Variants in DTX4 observed in about 807,000 individuals in gnomAD.
The protein encoded by DTX4 is deltex E3 ubiquitin ligase 4.
DTX4 carries 28 observed loss-of-function variants against 57.6 expected under a neutral mutation model. The ratio of observed to expected loss-of-function variants is 0.49; its 90% CI spans 0.36 to 0.67. DTX4 has a LOEUF of 0.67. DTX4 is among the 30% of genes least tolerant of loss of function. The probability of loss-of-function intolerance (pLI) is 0.00; values close to 1 mark genes in which losing one functional copy is unlikely to be tolerated. For missense variants in DTX4, 715 were observed against 836.8 expected (o/e 0.85, Z 1.80); for synonymous variants, 316 against 331.0 (o/e 0.95, Z 0.49).
intron 8 of DTX4, among the ~76,000 whole-genome samples, chr11:59,202,400 C>T (rs971507127): frequency 1.3e-5 from 2 of 152,204 alleles, no homozygotes; most frequent in African/African-American, 2.4e-5. Flanking sequence ...TGATGATTTG[C>T]ATCTGTATGG....
chr11:59,172,605 G>A lies in DTX4; in HGVS notation c.10G>A (p.Ala4Thr), dbSNP rs761595067. Reference protein sequence around the residue: MLLASAVVVWEWLN... With the variant: MLLTSAVVVWEWLN... ...CAGCCCCGGGCTCGCCATGCTCCTGGCCTCGGCCGTGGTGGTCTGGGAATG... is the reference window on the plus strand; with the variant it reads ...CAGCCCCGGGCTCGCCATGCTCCTGACCTCGGCCGTGGTGGTCTGGGAATG... Residue 4 changes from alanine to threonine, a missense_variant, in exon 1 of 9, where the codon GCC (alanine) becomes ACC (threonine). By Grantham distance (58) the Ala-to-Thr change is moderately conservative. Transcript: ENST00000227451. The A allele has an allele frequency of 2.8e-5, 43 of 1,546,658 alleles. No homozygotes were observed. The highest frequency in any genetic ancestry group is 3.6e-5 in the Non-Finnish European group (42 of 1,154,932).
At chr11:59,177,958 T>G (rs1284392796) in intron 1 of DTX4, among the ~76,000 whole-genome samples, 2 of 152,214 alleles carry the variant, frequency 1.3e-5, no homozygotes, top group Non-Finnish European at 2.9e-5. Context: ...GTACTCACTC[T>G]CTAGTGAAGG....
intron 2 of DTX4, among the ~76,000 whole-genome samples, chr11:59,187,840 C>A (rs919338612): frequency 7.2e-5 from 11 of 152,240 alleles, no homozygotes; most frequent in Admixed American, 7.2e-4. Context: ...GGGAGAAGGA[C>A]AGAAAGGGGA....
Position 59,205,246 on chromosome 11 carries a change from T to C in DTX4, c.*337T>C, listed in dbSNP as rs1357275470. On this transcript the variant is annotated 3_prime_UTR_variant, in exon 9 of 9. Coordinates refer to ENST00000227451, the MANE Select transcript of DTX4 (RefSeq NM_015177.2). ...AGCACACCTAGGGTATGGGCAGTGC[T>C]TAGGCACTCCATATCCTGGCTTTGG... The C allele has an allele frequency of 1.2e-5, 3 of 248,056 alleles. No individual in the cohort carries two copies. Among genetic ancestry groups the C allele is most frequent in the Non-Finnish European group, 1.6e-5 (2 of 123,252 alleles). The allele number at this position is 248,056 out of a possible 1,614,324, so 15.4% of individuals were successfully genotyped here. A position where few individuals can be genotyped will look rare whatever the true frequency, so the allele number is the denominator to read the frequency against.
At chr11:59,188,655 T>G in intron 2 of DTX4, 80 bp from the exon 3 acceptor site, 1 of 1,260,262 alleles carries the variant, frequency 7.9e-7, no homozygotes, top group South Asian at 1.2e-5. Flanking sequence ...AGCACTTAAC[T>G]GCATTTTATT....
At chr11:59,202,645 G>A (rs760496978) in intron 8 of DTX4, among the ~76,000 whole-genome samples, 4 of 152,148 alleles carry the variant, frequency 2.6e-5, no homozygotes, top group Non-Finnish European at 4.4e-5. Flanking sequence ...TTCAGACCAT[G>A]GGCTATGGAG....
At chr11:59,195,587 C>T (rs751730545) in intron 7 of DTX4, among the ~76,000 whole-genome samples, 2 of 152,188 alleles carry the variant, frequency 1.3e-5, no homozygotes, top group Admixed American at 6.5e-5. Flanking sequence ...AACAGAAAAT[C>T]GCATCCACCC....
In DTX4 at chr11:59,195,324, C is replaced by T; in HGVS notation, c.1491C>T (p.Asp497=). 1.9e-6 allele frequency: 3 copies of T among 1,613,996 alleles called. No individual in the cohort carries two copies. The South Asian group carries it at 3.3e-5, about 18-fold the overall frequency. The part of the protein sequence containing the change: ...LIPHSLPGHP[D]CKTIRIIYSI... ...CCCACTCCTTGCCTGGCCACCCAGA[C>T]TGCAAAACCATCCGGATCATCTACA... The change falls in exon 7 of 9, where the codon GAC becomes GAT. Residue 497 remains aspartate, a synonymous_variant. Coordinates refer to ENST00000227451, the MANE Select transcript of DTX4 (RefSeq NM_015177.2).
intron 2 of DTX4, among the ~76,000 whole-genome samples, chr11:59,186,495 G>A (rs1018993243): frequency 6.6e-6 from 1 of 152,182 alleles, no homozygotes; most frequent in African/African-American, 2.4e-5. Flanking sequence ...ACAGGAAGCC[G>A]GGTCTTTTCC....
Position 59,181,916 on chromosome 11 carries a change from G to C in DTX4, c.389G>C (p.Gly130Ala). 1 of 1,613,936 alleles carries C rather than the reference G, an allele frequency of 6.2e-7. No homozygotes were observed. Among genetic ancestry groups the C allele is most frequent in the Non-Finnish European group, 8.5e-7 (1 of 1,179,860 alleles). Residue 130 changes from glycine to alanine, a missense_variant, in exon 2 of 9, where the codon GGC (glycine) becomes GCC (alanine). Transcript: ENST00000227451. ...QHPWIDLTSI[G>A]FSYVIDFNTM... Reference sequence around the variant, plus strand: ...CCCTGGATCGACCTCACTTCCATTGGCTTTAGCTACGTAATTGACTTCAAC... The same window carrying C: ...CCCTGGATCGACCTCACTTCCATTGCCTTTAGCTACGTAATTGACTTCAAC...
In DTX4 at chr11:59,207,922, C is replaced by T; in HGVS notation, c.*3013C>T. 1 of 152,474 alleles carries T rather than the reference C, an allele frequency of 6.6e-6. No individual in the cohort carries two copies. The highest frequency in any genetic ancestry group is 1.9e-4 in the East Asian group (1 of 5,190). 9.4% of individuals were successfully genotyped at this position (152,474 alleles called of 1,614,324 possible). On this transcript the variant is annotated 3_prime_UTR_variant, in exon 9 of 9. Coordinates refer to ENST00000227451, the MANE Select transcript of DTX4 (RefSeq NM_015177.2). ...CAAAAGTACTCGTCTTGGTATTGCA[C>T]TGTTGTGTGCATGAGAAAACTGGGG...
chr11:59,182,025 G>T lies in DTX4; in HGVS notation c.498G>T (p.Gly166=). 6.2e-7 allele frequency: 1 copy of T among 1,613,614 alleles called. No homozygotes were observed. The highest frequency in any genetic ancestry group is 1.1e-5 in the South Asian group (1 of 91,018). ...RLDLIYPMVT[G]TLPKAQSWPV... ...ACCTCATCTACCCCATGGTCACAGG[G>T]ACCTTGCCTAAGGCTCAGTCCTGGC... The change falls in exon 2 of 9, where the codon GGG becomes GGT. Residue 166 remains glycine, a synonymous_variant. Coordinates refer to ENST00000227451, the MANE Select transcript of DTX4 (RefSeq NM_015177.2).
intron 8 of DTX4, among the ~76,000 whole-genome samples, chr11:59,202,960 T>C (rs1862757450): frequency 6.6e-6 from 1 of 152,248 alleles, no homozygotes; most frequent in Non-Finnish European, 1.5e-5. Flanking sequence ...TTGAATACTA[T>C]AAGTAGTTGT....
At chr11:59,195,515 C>T in intron 7 of DTX4, 146 bp downstream of exon 7, 1 of 896,014 alleles carries the variant, frequency 1.1e-6, no homozygotes, top group Non-Finnish European at 1.6e-6. Context: ...ACTACATCCC[C>T]CGACTCAACA....
Position 59,189,263 on chromosome 11 carries a change from A to T in DTX4, c.1099A>T (p.Lys367Ter). The T allele has an allele frequency of 6.3e-7, 1 of 1,598,986 alleles. No homozygotes were observed. Among genetic ancestry groups the T allele is most frequent in the Non-Finnish European group, 8.5e-7 (1 of 1,173,098 alleles). Reference sequence around the variant, plus strand: ...ACCCCCCGTCAGCAAGAGTGAAATAAAATCCATCCCAGGGGTTTCCAACAC... The same window carrying T: ...ACCCCCCGTCAGCAAGAGTGAAATATAATCCATCCCAGGGGTTTCCAACAC... ...HPPPVSKSEI[K>*]SIPGVSNTSR... is the part of the protein sequence containing the mutation. Residue 367 changes from lysine to a stop codon, truncating the protein, a stop_gained, in exon 4 of 9, where the codon AAA becomes TAA. Transcript: ENST00000227451. LOFTEE classifies it high-confidence loss of function.
At chr11:59,200,880 C>T (rs550159146) in intron 8 of DTX4, among the ~76,000 whole-genome samples, 7 of 152,278 alleles carry the variant, frequency 4.6e-5, no homozygotes, top group African/African-American at 7.2e-5. Flanking sequence ...TCCAAATTTC[C>T]GCTGCTTACT....
At position 59,195,302 on chromosome 11, in the gene DTX4, A is replaced by C. The variant is rs911244168; in HGVS notation, c.1469A>C (p.His490Pro). The change falls in exon 7 of 9, where the codon CAC becomes CCC. Residue 490 changes from histidine to proline, a missense_variant. Physicochemically the swap from His to Pro is moderately conservative, Grantham distance 77. Transcript: ENST00000227451. ...PGKMEYHLIP[H>P]SLPGHPDCKT... Reference sequence around the variant, plus strand: ...AAGATGGAGTACCACCTCATCCCCCACTCCTTGCCTGGCCACCCAGACTGC... The same window carrying C: ...AAGATGGAGTACCACCTCATCCCCCCCTCCTTGCCTGGCCACCCAGACTGC... 4 of 1,613,240 alleles carry C rather than the reference A, an allele frequency of 2.5e-6. No homozygotes were observed. In the Admixed American group the frequency reaches 6.7e-5, roughly 27 times the overall value.
At chr11:59,191,347 C>T (rs1862596257) in intron 5 of DTX4, among the ~76,000 whole-genome samples, 172 bp downstream of exon 5, 1 of 152,216 alleles carries the variant, frequency 6.6e-6, no homozygotes, top group South Asian at 2.1e-4. Context: ...AGAGCTGCAG[C>T]TGCACCTCAA....
At chr11:59,203,825 C>A (rs932974899) in intron 8 of DTX4, among the ~76,000 whole-genome samples, 20 of 152,284 alleles carry the variant, frequency 1.3e-4, no homozygotes, top group African/African-American at 4.6e-4. Flanking sequence ...GATTATATGT[C>A]CCAATGCCCA....
Sources: allele counts gnomAD v4.1 joint callset (sites outside exome capture counted in the v4.1 genomes callset), GRCh38; gene constraint gnomAD v4.1.1; transcripts MANE v1.5; gene names NCBI Gene and HGNC (gene_info 2026-07-23, HGNC 2026-07-21).